HPD: variants seen among roughly 807,000 people sequenced by gnomAD.
HPD encodes 4-hydroxyphenylpyruvic acid oxidase.
HPD carries 35 observed loss-of-function variants against 56.9 expected under a neutral mutation model. That is an observed-to-expected ratio of 0.62 (90% CI 0.47 to 0.82). The LOEUF (loss-of-function observed/expected upper bound fraction) is 0.82. HPD is among the 40% of genes least tolerant of loss of function. The pLI is 0.00. For missense variants in HPD, 442 were observed against 506.8 expected, an observed-to-expected ratio of 0.87 and a Z score of 1.23; for synonymous variants, 186 against 200.2, an observed-to-expected ratio of 0.93 and a Z score of 0.60.
At chr12:121,882,022 TCCTC>T in the HPD span, among the ~76,000 whole-genome samples, 1 of 151,512 alleles carries the variant, frequency 6.6e-6, no homozygotes, top group Non-Finnish European at 1.5e-5. Flanking sequence ...CCTCAGGTGA[TCCTC>T]CCGCCTAGGC....
the HPD span, among the ~76,000 whole-genome samples, chr12:121,881,914 G>A: frequency 6.9e-6 from 1 of 145,968 alleles, no homozygotes; most frequent in Non-Finnish European, 1.5e-5. Flanking sequence ...CCAAACTATT[G>A]GGATTACAGG....
In HPD at chr12:121,857,764, G is replaced by T; in HGVS notation, c.86C>A (p.Ala29Asp). 1 of 1,613,872 alleles carries T rather than the reference G, an allele frequency of 6.2e-7. No homozygotes were observed. Residue 29 changes from alanine to aspartate, a missense_variant, in exon 3 of 14, where the codon GCC (alanine) becomes GAC (aspartate). By Grantham distance (126) the Ala-to-Asp change is moderately radical. Transcript: ENST00000289004. ...CCTTGCCCCGGCTTCTACCTGCTTGGCGTTGCCAACCCAGAAGGTCACAGA... is the reference window on the plus strand; with the variant it reads ...CCTTGCCCCGGCTTCTACCTGCTTGTCGTTGCCAACCCAGAAGGTCACAGA... ...FHSVTFWVGN[A>D]KQATSFYCSK... is the part of the protein sequence containing the mutation.
At chr12:121,887,181 T>C in the HPD span, among the ~76,000 whole-genome samples, 27 of 151,956 alleles carry the variant, frequency 1.8e-4, no homozygotes, top group East Asian at 5.2e-3. Flanking sequence ...ATTACAGGTG[T>C]GAATCACCAC....
chr12:121,859,456 T>G (rs1290061238), upstream of HPD, among the ~76,000 whole-genome samples: 1 of 152,178 alleles, frequency 6.6e-6, no homozygotes, highest in Non-Finnish European at 1.5e-5. Context: ...GTGTTGGTTA[T>G]AATTCATTGG....
rs2707071 is a variant in HPD, at chr12:121,857,304, G to T, written c.198+24C>A. 3,668 of 1,472,316 alleles carry T rather than the reference G, an allele frequency of 2.5e-3. 75 individuals carry two copies. In the African/African-American group the frequency reaches 0.043, roughly 17 times the overall value. 91.2% of individuals were successfully genotyped at this position (1,472,316 alleles called of 1,614,324 possible). On this transcript the variant is annotated intron_variant, in intron 4 of 13. Coordinates refer to ENST00000289004, the MANE Select transcript of HPD (RefSeq NM_002150.3). The stretch of plus-strand genomic sequence containing the variant: ...CATGTTGGCCAGGCAGGGGTTGGGG[G>T]CTGTCCTGGGGGTGGTGACTCACCT...
At chr12:121,849,831 A>G (rs754418189) in intron 7 of HPD, 41 bp from the exon 8 acceptor site, 6 of 1,345,146 alleles carry the variant, frequency 4.5e-6, no homozygotes, top group Admixed American at 3.5e-5. Flanking sequence ...CTGGGCACCC[A>G]TCCCCGCCGA....
chr12:121,839,706 G>C lies in HPD; in HGVS notation c.*22C>G. ...CAGGGGGCGTGGCTGTGTGGCTGTG[G>C]CCTCCGTGGGGTGGGCGGGGCTTAC... is the stretch of plus-strand genomic sequence containing the variant. On this transcript the variant is annotated 3_prime_UTR_variant, in exon 14 of 14. Coordinates refer to ENST00000289004, the MANE Select transcript of HPD (RefSeq NM_002150.3). The C allele has an allele frequency of 6.5e-7, 1 of 1,533,618 alleles. No individual in the cohort carries two copies.
At chr12:121,840,696 G>T (rs1291472877) in intron 12 of HPD, among the ~76,000 whole-genome samples, 2 of 151,976 alleles carry the variant, frequency 1.3e-5, no homozygotes, top group African/African-American at 4.8e-5. Context: ...ACTGTAAAAT[G>T]GTGCAACCAC....
At chr12:121,862,698 C>CTTTT (rs34868560), upstream of HPD, among the ~76,000 whole-genome samples, 2 of 54,988 alleles carry the variant, frequency 3.6e-5, no homozygotes, top group Admixed American at 2.8e-4. Flanking sequence ...TCAATGCAAG[C>CTTTT]TTTTTTTTTT....
chr12:121,880,189 A>G, the HPD span, among the ~76,000 whole-genome samples: 1 of 150,854 alleles, frequency 6.6e-6, no homozygotes, highest in Non-Finnish European at 1.5e-5. Flanking sequence ...AGGCTGTACC[A>G]TGATTTCTTT....
chr12:121,869,566 C>CTTTTT, the HPD span, among the ~76,000 whole-genome samples: 2 of 145,796 alleles, frequency 1.4e-5, no homozygotes, highest in Non-Finnish European at 3.0e-5. Flanking sequence ...TAGGTTTTCA[C>CTTTTT]TTTTTTTTTT....
At chr12:121,870,657 C>T in the HPD span, among the ~76,000 whole-genome samples, 7 of 133,488 alleles carry the variant, frequency 5.2e-5, no homozygotes, top group East Asian at 4.4e-4. Context: ...AGTGCAATGG[C>T]GGGATCTCAG....
chr12:121,864,318 G>A (rs1045869658), upstream of HPD, among the ~76,000 whole-genome samples: 3 of 149,974 alleles, frequency 2.0e-5, no homozygotes, highest in African/African-American at 4.9e-5. Flanking sequence ...TTTGGGAGGC[G>A]GAGGCAGGAG....
At chr12:121,852,271 T>C (rs1168163421) in intron 7 of HPD, among the ~76,000 whole-genome samples, 2 of 152,210 alleles carry the variant, frequency 1.3e-5, no homozygotes, top group East Asian at 3.9e-4. Flanking sequence ...CCTCTTGCCT[T>C]GGCCTCCCAA....
upstream of HPD, among the ~76,000 whole-genome samples, chr12:121,862,177 A>G (rs1340101221): frequency 6.6e-6 from 1 of 152,198 alleles, no homozygotes; most frequent in African/African-American, 2.4e-5. Context: ...CCCTGGGGCC[A>G]TATGCTGTGC....
chr12:121,871,219 G>A, the HPD span, among the ~76,000 whole-genome samples: 7 of 152,092 alleles, frequency 4.6e-5, no homozygotes, highest in African/African-American at 1.7e-4. Flanking sequence ...CCCAAAATCA[G>A]CCAGGTGTGG....
rs755875684 is a variant in HPD, at chr12:121,856,331, A to T, written c.317T>A (p.Ile106Asn). ...ACCCAGGTGCTTTCTTACCTGCACG[A>T]TGTAGTCACAATCTTCCACCTCGAA... ...IAFEVEDCDY[I>N]VQKARERGAK... Residue 106 changes from isoleucine to asparagine, a missense_variant, in exon 6 of 14, where the codon ATC becomes AAC. By Grantham distance (149) the Ile-to-Asn change is moderately radical (BLOSUM62 -3). Transcript: ENST00000289004. 6.2e-7 allele frequency: 1 copy of T among 1,613,756 alleles called. No homozygotes were observed. The highest frequency in any genetic ancestry group is 1.1e-5 in the South Asian group (1 of 91,054).
At chr12:121,850,043 A>G (rs913599977) in intron 7 of HPD, 2 of 486,668 alleles carry the variant, frequency 4.1e-6, no homozygotes, top group Non-Finnish European at 7.6e-6. Context: ...TGCCTGGCAC[A>G]GGGGAGGTAC....
At chr12:121,857,930 C>T (rs1313670295) in intron 2 of HPD, 111 bp from the exon 3 acceptor site, 10 of 829,032 alleles carry the variant, frequency 1.2e-5, no homozygotes, top group Non-Finnish European at 2.0e-6. Context: ...AACCACAGAA[C>T]TTAGGAGCAG....
Sources: gnomAD v4.1 joint callset for allele counts (sites outside exome capture counted in the v4.1 genomes callset) on GRCh38, gnomAD v4.1.1 for gene constraint, MANE v1.5 for transcripts, NCBI Gene and HGNC (gene_info 2026-07-23, HGNC 2026-07-21) for gene names.